Variants in ACER3 observed in about 807,000 individuals in gnomAD.
ACER3 encodes the protein alkCDase 3.
In ACER3, 16 loss-of-function variants were observed where a neutral mutation model predicts 48.9. The ratio of observed to expected loss-of-function variants is 0.33; its 90% CI spans 0.22 to 0.50. The LOEUF is 0.50. Among genes scored for constraint, ACER3 ranks in the 20% least tolerant of loss-of-function variants. The probability of loss-of-function intolerance (pLI) is 0.98; values close to 1 mark genes in which losing one functional copy is unlikely to be tolerated. For missense variants in ACER3, 227 were observed against 326.0 expected (o/e 0.70, Z 2.34); for synonymous variants, 109 against 107.8 (o/e 1.01, Z -0.07).
chr11:76,955,838 A>T (rs1185174584), intron 2 of ACER3, among the ~76,000 whole-genome samples: 8 of 152,256 alleles, frequency 5.3e-5, no homozygotes, highest in Non-Finnish European at 1.0e-4. Flanking sequence ...TGGTATGTTC[A>T]TATAATGGAA....
intron 1 of ACER3, among the ~76,000 whole-genome samples, chr11:76,904,216 A>G (rs1284444694): frequency 1.3e-5 from 2 of 151,980 alleles, no homozygotes; most frequent in Non-Finnish European, 1.5e-5. Context: ...CGAACTCCTG[A>G]CCTTAAGTGA....
intron 7 of ACER3, among the ~76,000 whole-genome samples, chr11:77,011,666 C>T (rs776704251): frequency 2.0e-5 from 3 of 151,846 alleles, no homozygotes. Context: ...CATTTTTAAA[C>T]GAATCACCTT....
intron 4 of ACER3, among the ~76,000 whole-genome samples, chr11:76,980,872 T>A (rs1402417203): frequency 6.6e-6 from 1 of 152,198 alleles, no homozygotes; most frequent in Non-Finnish European, 1.5e-5. Context: ...AAGATTAAAA[T>A]AAATGATTTG....
intron 1 of ACER3, among the ~76,000 whole-genome samples, chr11:76,910,162 T>TA (rs1208518566): frequency 6.6e-6 from 1 of 151,936 alleles, no homozygotes. Flanking sequence ...TTAGGAGAAA[T>TA]ACCTAATGTA....
chr11:76,930,113 T>C (rs1210617611), intron 2 of ACER3, among the ~76,000 whole-genome samples: 3 of 152,144 alleles, frequency 2.0e-5, no homozygotes, highest in African/African-American at 7.2e-5. Context: ...CTTTTTTTGG[T>C]TGGTAGGCTA....
chr11:77,005,284 C>T (rs1319359774), intron 7 of ACER3, among the ~76,000 whole-genome samples: 3 of 151,982 alleles, frequency 2.0e-5, no homozygotes, highest in Admixed American at 1.3e-4. Context: ...ATCCGCTGGC[C>T]GTTAGTGTGT....
intron 2 of ACER3, among the ~76,000 whole-genome samples, chr11:76,946,459 G>A (rs779192679): frequency 1.4e-4 from 21 of 152,100 alleles, no homozygotes; most frequent in Non-Finnish European, 2.5e-4. Flanking sequence ...CCTTGGCCAG[G>A]TGGTGGCTGC....
intron 7 of ACER3, among the ~76,000 whole-genome samples, chr11:77,010,740 T>C (rs1470890269): frequency 6.6e-6 from 1 of 152,130 alleles, no homozygotes; most frequent in East Asian, 1.9e-4. Context: ...AGTATATAAG[T>C]TGAGAGGCAG....
rs535672724 is a variant in ACER3 at position 76,910,598 on chromosome 11, A to G, written c.104-15959A>G. On this transcript the variant is annotated intron_variant, in intron 1 of 10. Transcript: ENST00000532485. Reference sequence around the variant, plus strand: ...GGCGCAAGGTGGTTAAGTAACTTGGATAAACATTTCGCCAAAGAAAATATA... The same window carrying G: ...GGCGCAAGGTGGTTAAGTAACTTGGGTAAACATTTCGCCAAAGAAAATATA... Among the ~76,000 whole-genome samples the G allele has an allele frequency of 9.2e-5, 14 of 152,344 alleles. No individual in the cohort carries two copies. In the Middle Eastern group the frequency reaches 0.01, roughly 111 times the overall value.
chr11:76,887,171 G>A, intron 1 of ACER3, among the ~76,000 whole-genome samples: 1 of 152,152 alleles, frequency 6.6e-6, no homozygotes, highest in Middle Eastern at 3.2e-3. Flanking sequence ...GAGGTAGGAA[G>A]GTCGCTTGGG....
intron 7 of ACER3, among the ~76,000 whole-genome samples, chr11:77,005,978 T>TAC (rs1203255893): frequency 6.7e-5 from 3 of 44,846 alleles, no homozygotes; most frequent in Non-Finnish European, 1.9e-4. Flanking sequence ...TATACATATA[T>TAC]ATATATATAT....
chr11:76,959,366 C>A (rs1170472803), intron 3 of ACER3, among the ~76,000 whole-genome samples: 1 of 152,130 alleles, frequency 6.6e-6, no homozygotes, highest in Admixed American at 6.6e-5. Context: ...GAGATACCTG[C>A]ATTCTTTCAT....
intron 1 of ACER3, 46 bp downstream of exon 1, chr11:76,861,125 C>T (rs1178730417): frequency 6.7e-7 from 1 of 1,498,722 alleles, no homozygotes; most frequent in East Asian, 2.6e-5. Flanking sequence ...GGGCACCGGG[C>T]TGAGGAGACG....
At chr11:76,919,253 TAGATTGTGGAGCACAC>T in intron 1 of ACER3, among the ~76,000 whole-genome samples, 1 of 152,226 alleles carries the variant, frequency 6.6e-6, no homozygotes, top group East Asian at 1.9e-4. Context: ...GAAAACCGTT[TAGATTGTGGAGCACAC>T]TGGCTCCACC....
chr11:76,953,682 G>T (rs1183208490), intron 2 of ACER3, among the ~76,000 whole-genome samples: 1 of 152,070 alleles, frequency 6.6e-6, no homozygotes, highest in African/African-American at 2.4e-5. Flanking sequence ...TGTATTTTAT[G>T]TGTTTTAAAA....
At chr11:76,927,167 G>T (rs1946851414) in intron 2 of ACER3, among the ~76,000 whole-genome samples, 1 of 152,026 alleles carries the variant, frequency 6.6e-6, no homozygotes. Context: ...GTATGGTTTT[G>T]CATAGTTTTA....
At chr11:76,894,794 G>T (rs186164045) in intron 1 of ACER3, among the ~76,000 whole-genome samples, 2 of 152,276 alleles carry the variant, frequency 1.3e-5, no homozygotes, top group Non-Finnish European at 2.9e-5. Context: ...TAAAGGCAAA[G>T]GAAACAGTAT....
chr11:76,933,932 G>T (rs185241743), intron 2 of ACER3, among the ~76,000 whole-genome samples: 3 of 151,980 alleles, frequency 2.0e-5, no homozygotes, highest in African/African-American at 4.8e-5. Flanking sequence ...CTTCTTAGTC[G>T]GGGCGGCCGG....
chr11:76,931,353 G>C (rs1275864518), intron 2 of ACER3, among the ~76,000 whole-genome samples: 10 of 145,032 alleles, frequency 6.9e-5, no homozygotes, highest in Non-Finnish European at 1.4e-4. Context: ...TTGAGCCTAT[G>C]TGTGTCTCTG....
Sources: gnomAD v4.1 joint callset for allele counts (sites outside exome capture counted in the v4.1 genomes callset) on GRCh38, gnomAD v4.1.1 for gene constraint, MANE v1.5 for transcripts, NCBI Gene and HGNC (gene_info 2026-07-23, HGNC 2026-07-21) for gene names.